The following BRD3 variants were observed in gnomAD, a reference collection of about 807,000 sequenced individuals.
BRD3 encodes bromodomain-containing protein 3.
In BRD3, 17 loss-of-function variants were observed where a neutral mutation model predicts 66.8. The observed-to-expected ratio is 0.25, with a 90% CI of 0.17 to 0.38. The LOEUF (loss-of-function observed/expected upper bound fraction) is 0.38. BRD3 is among the 10% of genes least tolerant of loss of function. BRD3 has a pLI of 1.00. For synonymous variants in BRD3, 421 were observed against 393.2 expected (o/e 1.07, Z -0.84); for missense variants, 713 against 956.1 (o/e 0.75, Z 3.35).
At chr9:134,054,001 T>C (rs563050794) in intron 1 of BRD3, 46 of 165,416 alleles carry the variant, frequency 2.8e-4, no homozygotes, top group Non-Finnish European at 5.0e-4. Flanking sequence ...GCCACAACAA[T>C]GTACTGAAGA....
intron 9 of BRD3, chr9:134,036,647 C>T (rs1239166623): frequency 7.8e-7 from 1 of 1,287,944 alleles, no homozygotes; most frequent in East Asian, 2.3e-5. Context: ...GAACAGAAAA[C>T]ACAGAGGAAA....
In BRD3 at chr9:134,032,975, C is replaced by G; in HGVS notation, c.*615G>C. 2.5e-6 allele frequency: 1 copy of G among 395,686 alleles called. No homozygotes were observed. Among genetic ancestry groups the G allele is most frequent in the Non-Finnish European group, 4.4e-6 (1 of 224,808 alleles). 24.5% of individuals were successfully genotyped at this position (395,686 alleles called of 1,614,324 possible). A position where few individuals can be genotyped will look rare whatever the true frequency, so the allele number is the denominator to read the frequency against. On this transcript the variant is annotated 3_prime_UTR_variant, in exon 12 of 12. Transcript: ENST00000303407. Reference sequence around the variant, plus strand: ...GAGGAGCTCCTGACATCACCACGAGCGGAGAACGCACATCCCACCCGACCA... The same window carrying G: ...GAGGAGCTCCTGACATCACCACGAGGGGAGAACGCACATCCCACCCGACCA...
At chr9:134,064,349 G>A (rs181188258) in intron 1 of BRD3, among the ~76,000 whole-genome samples, 6 of 151,474 alleles carry the variant, frequency 4.0e-5, no homozygotes, top group African/African-American at 7.3e-5. Context: ...CCAACATGGC[G>A]AAACCCCATC....
At position 134,031,492 on chromosome 9, in the gene BRD3, CT is replaced by C. The variant is rs967540932; in HGVS notation, c.*2097del. On this transcript the variant is annotated 3_prime_UTR_variant, in exon 12 of 12. Transcript: ENST00000303407. The stretch of plus-strand genomic sequence containing the variant: ...CATTAAAGATCTGTTTAGAAAATAC[CT>C]TTGAAAACGAGGGTAACTTTAAAAA... The C allele has an allele frequency of 5.3e-5, 9 of 168,362 alleles. No individual in the cohort carries two copies. Among genetic ancestry groups the C allele is most frequent in the Non-Finnish European group, 7.8e-5 (7 of 89,612 alleles). The allele number at this position is 168,362 out of a possible 1,614,324, so 10.4% of individuals were successfully genotyped here. A position where few individuals can be genotyped will look rare whatever the true frequency, so the allele number is the denominator to read the frequency against.
At chr9:134,048,506 G>A (rs546081235) in intron 5 of BRD3, 52 bp from the exon 6 acceptor site, 28 of 1,592,798 alleles carry the variant, frequency 1.8e-5, no homozygotes, top group African/African-American at 1.1e-4. Flanking sequence ...CCCCGAAGAC[G>A]CATGTCGCTG....
chr9:134,062,411 C>A (rs1830563171), intron 1 of BRD3, among the ~76,000 whole-genome samples: 1 of 152,176 alleles, frequency 6.6e-6, no homozygotes, highest in Admixed American at 6.5e-5. Flanking sequence ...CCCTGCACCC[C>A]ACAGTTCTCC....
intron 7 of BRD3, 128 bp from the exon 8 acceptor site, chr9:134,042,079 G>A (rs1237344587): frequency 3.6e-6 from 4 of 1,109,502 alleles, no homozygotes; most frequent in Admixed American, 3.3e-5. Context: ...GGGGCTAGGA[G>A]GAGACAGGGT....
At chr9:134,042,512 C>A (rs1401602146) in intron 7 of BRD3, among the ~76,000 whole-genome samples, 1 of 152,146 alleles carries the variant, frequency 6.6e-6, no homozygotes. Context: ...CAGCACATGT[C>A]TGTGATCCTA....
intron 10 of BRD3, among the ~76,000 whole-genome samples, chr9:134,035,231 T>A (rs1843581544): frequency 6.6e-6 from 1 of 152,084 alleles, no homozygotes; most frequent in Non-Finnish European, 1.5e-5. Flanking sequence ...GGAGGCCCGG[T>A]CTCCACTGCC....
intron 7 of BRD3, among the ~76,000 whole-genome samples, chr9:134,044,560 A>T (rs913963975): frequency 2.6e-5 from 4 of 152,110 alleles, no homozygotes; most frequent in Non-Finnish European, 5.9e-5. Flanking sequence ...TGGTGCTGTT[A>T]TTTATAAAAG....
At chr9:134,048,821 G>A (rs921097016) in intron 5 of BRD3, among the ~76,000 whole-genome samples, 1 of 152,210 alleles carries the variant, frequency 6.6e-6, no homozygotes, top group African/African-American at 2.4e-5. Context: ...CAAGCACCCA[G>A]ACCAGGACCC....
At position 134,031,863 on chromosome 9, in the gene BRD3, C is replaced by G. The variant is rs548307040; in HGVS notation, c.*1727G>C. The stretch of plus-strand genomic sequence containing the variant: ...CCCAGCGTCTGCCTGGAGGCTCCCC[C>G]ACGCTGAGGTCCGGGAGAATGCCTG... On this transcript the variant is annotated 3_prime_UTR_variant, in exon 12 of 12. Transcript: ENST00000303407. The G allele has an allele frequency of 1.6e-4, 35 of 223,134 alleles. No individual in the cohort carries two copies. Among genetic ancestry groups the G allele is most frequent in the African/African-American group, 6.7e-4 (30 of 44,810 alleles). The allele number at this position is 223,134 out of a possible 1,614,324, so 13.8% of individuals were successfully genotyped here.
In BRD3 at chr9:134,048,455, C is replaced by CT. The variant is rs1830222829; in HGVS notation, c.715-2dup. ...CTGCTTTCCGCTTCACGCCCTTTTTCTGCGACAGTGAAATAACCAGTGAAC... is the reference window on the plus strand; with the variant it reads ...CTGCTTTCCGCTTCACGCCCTTTTTCTTGCGACAGTGAAATAACCAGTGAAC... On this transcript the variant is annotated splice_acceptor_variant, in intron 5 of 11. Transcript: ENST00000303407. LOFTEE classifies it high-confidence loss of function. 1 of 1,598,334 alleles carries CT rather than the reference C, an allele frequency of 6.3e-7. No homozygotes were observed.
rs3180509 is a variant in BRD3 at position 134,032,856 on chromosome 9, A to T, written c.*734T>A. ...AAAAGTCTCCTTTTTTTTTTTTTTT[A>T]AATCTTTTCTTCTTTTTTTTTTTTT... On this transcript the variant is annotated 3_prime_UTR_variant, in exon 12 of 12. Transcript: ENST00000303407. The T allele has an allele frequency of 5.8e-3, 626 of 108,724 alleles. 6 individuals carry two copies. The highest frequency in any genetic ancestry group is 0.03 in the African/African-American group (554 of 18,210). The allele number at this position is 108,724 out of a possible 1,614,324, so 6.7% of individuals were successfully genotyped here.
intron 1 of BRD3, among the ~76,000 whole-genome samples, chr9:134,067,584 G>T (rs13287061): frequency 0.36 from 52,242 of 146,520 alleles, 9,854 homozygotes; most frequent in Middle Eastern, 0.53. Context: ...GGGAGGGCGC[G>T]CGGAGGCCGG....
At chr9:134,042,680 C>A (rs796852467) in intron 7 of BRD3, among the ~76,000 whole-genome samples, 2 of 136,440 alleles carry the variant, frequency 1.5e-5, no homozygotes, top group South Asian at 5.8e-4. Context: ...CATATATATA[C>A]ACACACACAC....
intron 3 of BRD3, 27 bp downstream of exon 3, chr9:134,052,279 C>T (rs199711493): frequency 4.6e-5 from 74 of 1,609,042 alleles, no homozygotes; most frequent in Admixed American, 1.5e-4. Flanking sequence ...TTACTGCAAG[C>T]GGCGTGCCAG....
chr9:134,042,038 CT>C, intron 7 of BRD3, 87 bp from the exon 8 acceptor site: 1 of 1,380,802 alleles, frequency 7.2e-7, no homozygotes, highest in Non-Finnish European at 9.6e-7. Flanking sequence ...TGAGGTGCCC[CT>C]GAGGCAGCAC....
chr9:134,031,497 A>G lies in BRD3; in HGVS notation c.*2093T>C, dbSNP rs997648093. On this transcript the variant is annotated 3_prime_UTR_variant, in exon 12 of 12. Coordinates refer to ENST00000303407, the MANE Select transcript of BRD3 (RefSeq NM_007371.4). ...AAGATCTGTTTAGAAAATACCTTTG[A>G]AAACGAGGGTAACTTTAAAAAATGG... 9.4e-5 allele frequency: 9 copies of G among 96,146 alleles called. No individual in the cohort carries two copies. The highest frequency in any genetic ancestry group is 1.2e-4 in the Non-Finnish European group (7 of 57,292). 6.0% of individuals were successfully genotyped at this position (96,146 alleles called of 1,614,324 possible). A position where few individuals can be genotyped will look rare whatever the true frequency, so the allele number is the denominator to read the frequency against.
Sources: gnomAD v4.1 joint callset for allele counts (sites outside exome capture counted in the v4.1 genomes callset) on GRCh38, gnomAD v4.1.1 for gene constraint, MANE v1.5 for transcripts, NCBI Gene and HGNC (gene_info 2026-07-23, HGNC 2026-07-21) for gene names.